The following GLRA3 variants were observed in gnomAD, a reference collection of about 807,000 sequenced individuals.
GLRA3 encodes the protein glycine receptor alpha 3.
In GLRA3, 44 loss-of-function variants were observed where a neutral mutation model predicts 60.4. The ratio of observed to expected loss-of-function variants is 0.73; its 90% CI spans 0.57 to 0.94. The LOEUF is 0.94. GLRA3 is among the 40% of genes least tolerant of loss of function. GLRA3 has a pLI of 0.00. For missense variants in GLRA3, 508 were observed against 564.6 expected, an observed-to-expected ratio of 0.90 and a Z score of 1.02; for synonymous variants, 223 against 192.9, an observed-to-expected ratio of 1.16 and a Z score of -1.29.
intron 2 of GLRA3, among the ~76,000 whole-genome samples, chr4:174,780,461 C>G (rs1414574868): frequency 6.8e-6 from 1 of 147,856 alleles, no homozygotes; most frequent in African/African-American, 2.5e-5. Flanking sequence ...TCACACATAA[C>G]AATATTAACT....
chr4:174,679,598 T>C (rs1469870897), intron 6 of GLRA3, among the ~76,000 whole-genome samples: 1 of 152,154 alleles, frequency 6.6e-6, no homozygotes, highest in Non-Finnish European at 1.5e-5. Context: ...GTTGAAGCCC[T>C]ATTCACAATA....
At chr4:174,749,628 C>T (rs1416307305) in intron 3 of GLRA3, among the ~76,000 whole-genome samples, 1 of 152,000 alleles carries the variant, frequency 6.6e-6, no homozygotes, top group African/African-American at 2.4e-5. Flanking sequence ...AAATGGGTTG[C>T]CTGCTTCTGA....
chr4:174,680,449 T>A (rs1437579809), intron 6 of GLRA3, among the ~76,000 whole-genome samples: 1 of 152,236 alleles, frequency 6.6e-6, no homozygotes, highest in Admixed American at 6.5e-5. Flanking sequence ...TTTGGGCGTT[T>A]AACACATATT....
intron 3 of GLRA3, among the ~76,000 whole-genome samples, chr4:174,756,788 G>A (rs1423024450): frequency 2.6e-5 from 4 of 151,970 alleles, no homozygotes; most frequent in Non-Finnish European, 5.9e-5. Flanking sequence ...GGAACTACAG[G>A]CACCCGTCAC....
chr4:174,662,059 C>G (rs1173603555), intron 7 of GLRA3, among the ~76,000 whole-genome samples: 1 of 152,084 alleles, frequency 6.6e-6, no homozygotes, highest in Non-Finnish European at 1.5e-5. Flanking sequence ...GTCCATTGCT[C>G]AAGGTTGAAA....
At chr4:174,715,322 T>A (rs1308692775) in intron 5 of GLRA3, among the ~76,000 whole-genome samples, 166 bp downstream of exon 5, 1 of 152,188 alleles carries the variant, frequency 6.6e-6, no homozygotes, top group Non-Finnish European at 1.5e-5. Flanking sequence ...GTGGAGTGCA[T>A]GTGTTGATAG....
intron 3 of GLRA3, among the ~76,000 whole-genome samples, chr4:174,762,569 T>G (rs1737981630): frequency 6.6e-6 from 1 of 152,206 alleles, no homozygotes; most frequent in Non-Finnish European, 1.5e-5. Flanking sequence ...TTCATAGTCC[T>G]GCAGACTTTT....
chr4:174,673,226 G>A (rs1733978159), intron 7 of GLRA3, among the ~76,000 whole-genome samples: 1 of 152,118 alleles, frequency 6.6e-6, no homozygotes, highest in Non-Finnish European at 1.5e-5. Flanking sequence ...GTTCCCTAAT[G>A]TGGATTCCTT....
intron 1 of GLRA3, among the ~76,000 whole-genome samples, chr4:174,802,052 A>T (rs953628285): frequency 6.6e-6 from 1 of 151,744 alleles, no homozygotes; most frequent in South Asian, 2.1e-4. Context: ...GAAATGAATT[A>T]ACTGAATATA....
chr4:174,694,443 A>G (rs1734974249), intron 5 of GLRA3, among the ~76,000 whole-genome samples: 1 of 152,330 alleles, frequency 6.6e-6, no homozygotes, highest in South Asian at 2.1e-4. Flanking sequence ...ATTACTCAAA[A>G]GCATGCAAAC....
intron 6 of GLRA3, among the ~76,000 whole-genome samples, chr4:174,680,597 G>A (rs1233198278): frequency 6.6e-6 from 1 of 152,134 alleles, no homozygotes; most frequent in African/African-American, 2.4e-5. Context: ...AGACAGAGAT[G>A]AGTTTGGTGT....
chr4:174,655,314 C>G (rs1461381154), intron 9 of GLRA3, among the ~76,000 whole-genome samples: 1 of 152,054 alleles, frequency 6.6e-6, no homozygotes, highest in Non-Finnish European at 1.5e-5. Flanking sequence ...TTCAACAAGT[C>G]AAAGAAAACA....
At chr4:174,670,964 G>T (rs1470547699) in intron 7 of GLRA3, among the ~76,000 whole-genome samples, 1 of 151,810 alleles carries the variant, frequency 6.6e-6, no homozygotes, top group Non-Finnish European at 1.5e-5. Context: ...TGTGATAAGG[G>T]TATGAATAAA....
At chr4:174,710,052 T>C (rs1735658249) in intron 5 of GLRA3, among the ~76,000 whole-genome samples, 1 of 151,610 alleles carries the variant, frequency 6.6e-6, no homozygotes, top group Non-Finnish European at 1.5e-5. Flanking sequence ...CTAGGAAACA[T>C]ATTGTTAAAA....
At chr4:174,696,459 T>C (rs1405872708) in intron 5 of GLRA3, among the ~76,000 whole-genome samples, 5 of 148,940 alleles carry the variant, frequency 3.4e-5, no homozygotes, top group Admixed American at 6.7e-5. Context: ...GTAACAAATA[T>C]AATACAATAC....
At chr4:174,737,910 G>A (rs1389841609) in intron 3 of GLRA3, among the ~76,000 whole-genome samples, 2 of 152,032 alleles carry the variant, frequency 1.3e-5, no homozygotes, top group Non-Finnish European at 2.9e-5. Flanking sequence ...TTTAATTCAT[G>A]AGGACTTTTA....
chr4:174,644,201 A>G, intron 9 of GLRA3, 137 bp from the exon 10 acceptor site: 4 of 619,324 alleles, frequency 6.5e-6, no homozygotes, highest in Non-Finnish European at 1.1e-5. Flanking sequence ...GCATATAAAG[A>G]TGAATTGGTT....
At position 174,677,349 on chromosome 4, in the gene GLRA3, T is replaced by C. The variant is rs533049169; in HGVS notation, c.713-57A>G. On this transcript the variant is annotated intron_variant, in intron 6 of 9. Transcript: ENST00000274093. Reference sequence around the variant, plus strand: ...GTACAAATAGGTCTTTGTTACGGCATCAAATATCACAATTTCTCTTTTTTT... The same window carrying C: ...GTACAAATAGGTCTTTGTTACGGCACCAAATATCACAATTTCTCTTTTTTT... The C allele has an allele frequency of 2.9e-5, 28 of 962,944 alleles. No individual in the cohort carries two copies. In the South Asian group the frequency reaches 3.7e-4, roughly 13 times the overall value. 59.6% of individuals were successfully genotyped at this position (962,944 alleles called of 1,614,324 possible).
intron 3 of GLRA3, among the ~76,000 whole-genome samples, chr4:174,762,448 C>G (rs995507369): frequency 1.3e-5 from 2 of 152,128 alleles, no homozygotes; most frequent in Non-Finnish European, 2.9e-5. Flanking sequence ...AGCTGCTTAT[C>G]ATCTCAGTGA....
Sources: allele counts gnomAD v4.1 joint callset (sites outside exome capture counted in the v4.1 genomes callset), GRCh38; gene constraint gnomAD v4.1.1; transcripts MANE v1.5; gene names NCBI Gene and HGNC (gene_info 2026-07-23, HGNC 2026-07-21).